Variants in EIF4G2 observed in about 807,000 individuals in gnomAD.
EIF4G2 encodes the protein eukaryotic translation initiation factor 4 gamma 2.
Under a neutral mutation model 117.7 loss-of-function variants are expected in EIF4G2, and 8 were observed. That is an observed-to-expected ratio of 0.07 (90% CI 0.04 to 0.12). EIF4G2 has a LOEUF of 0.12. Ranked by LOEUF, EIF4G2 falls within the 10% of genes least tolerant of loss-of-function variation. The probability of loss-of-function intolerance (pLI) is 1.00; values close to 1 mark genes in which losing one functional copy is unlikely to be tolerated. For synonymous variants in EIF4G2, 413 were observed against 367.8 expected, an observed-to-expected ratio of 1.12 and a Z score of -1.41; for missense variants, 812 against 1,086.2, an observed-to-expected ratio of 0.75 and a Z score of 3.55.
At position 10,806,851 on chromosome 11, in the gene EIF4G2, G is replaced by A. The variant is rs371391559; in HGVS notation, c.76C>T (p.Pro26Ser). The change falls in exon 3 of 22, where the codon CCT becomes TCT. Residue 26 changes from proline to serine, a missense_variant. This residue lies in a region of EIF4G2 where 79 missense variants were observed against 91.5 expected (regional missense o/e 0.86). Transcript: ENST00000339995. Reference sequence around the variant, plus strand: ...CCAGCAGTCTTGGGATAGTGCTGAGGTGCACCCCTACTTCCTCCTCCGCCC... The same window carrying A: ...CCAGCAGTCTTGGGATAGTGCTGAGATGCACCCCTACTTCCTCCTCCGCCC... 6 of 1,613,992 alleles carry A rather than the reference G, an allele frequency of 3.7e-6. No homozygotes were observed. Among genetic ancestry groups the A allele is most frequent in the East Asian group, 2.2e-5 (1 of 44,892 alleles).
At chr11:10,800,686 T>C in intron 16 of EIF4G2, 39 bp from the exon 17 acceptor site, 1 of 1,613,736 alleles carries the variant, frequency 6.2e-7, no homozygotes, top group Non-Finnish European at 8.5e-7. Context: ...ATTCTCTATC[T>C]CAAATACAGG....
In EIF4G2 at chr11:10,806,899, A is replaced by C. The variant is rs1402186898; in HGVS notation, c.42-14T>G. 2 of 1,613,428 alleles carry C rather than the reference A, an allele frequency of 1.2e-6. No individual in the cohort carries two copies. The highest frequency in any genetic ancestry group is 2.2e-5 in the South Asian group (2 of 91,050). On this transcript the variant is annotated splice_polypyrimidine_tract_variant and intron_variant, in intron 2 of 21. Transcript: ENST00000339995. Reference sequence around the variant, plus strand: ...CCCGAAGAAGCACTATTTAAAAGAAAAAAATTGTTTACTGTATCCCAACTA... The same window carrying C: ...CCCGAAGAAGCACTATTTAAAAGAACAAAATTGTTTACTGTATCCCAACTA...
At chr11:10,807,800 C>T in intron 1 of EIF4G2, 1 of 990,456 alleles carries the variant, frequency 1.0e-6, no homozygotes, top group Non-Finnish European at 1.2e-6. Flanking sequence ...AGCAGTTTTC[C>T]CCTGTCCACC....
rs554430274 is a variant in EIF4G2 at position 10,806,236 on chromosome 11, T to C, written c.108-189A>G. 1.6e-5 allele frequency: 12 copies of C among 738,734 alleles called. No homozygotes were observed. The South Asian group carries it at 1.8e-4, about 11-fold the overall frequency. 45.8% of individuals were successfully genotyped at this position (738,734 alleles called of 1,614,324 possible). A position where few individuals can be genotyped will look rare whatever the true frequency, so the allele number is the denominator to read the frequency against. ...CACCTGAAGGGCTTGTTAATACAGA[T>C]TGCTGGGCCCACCCAGTTTCTGCTT... On this transcript the variant is annotated intron_variant, in intron 3 of 21. Transcript: ENST00000339995.
In EIF4G2 at chr11:10,803,293, G is replaced by T; in HGVS notation, c.815C>A (p.Ser272Tyr). The change falls in exon 10 of 22, where the codon TCC becomes TAC. Residue 272 changes from serine (S) to tyrosine (Y), a missense_variant and splice_region_variant. Around this residue, in one of 4 missense-constraint regions of EIF4G2, gnomAD observed 154 missense variants for 322.1 expected, o/e 0.48. Coordinates refer to ENST00000339995, the MANE Select transcript of EIF4G2 (RefSeq NM_001418.4). This position sits in a 1 kb window ranked among gnomAD's most constrained non-coding sequence, Gnocchi z 4.0. The stretch of plus-strand genomic sequence containing the variant: ...TCGGGCAAAGTACTGATCCATTAAG[G>T]ACTGATAAGAGAAGAATACATTCAT... The T allele has an allele frequency of 6.2e-7, 1 of 1,613,104 alleles. No homozygotes were observed. The highest frequency in any genetic ancestry group is 1.1e-5 in the South Asian group (1 of 90,740).
Position 10,806,283 on chromosome 11 carries a change from T to C in EIF4G2, c.108-236A>G. On this transcript the variant is annotated intron_variant, in intron 3 of 21. Transcript: ENST00000339995. ...GCTTTCACTGGTTTGGGGTGGGGCCTAAGAATTTGCATGTCTAGTAAATAT... is the reference window on the plus strand; with the variant it reads ...GCTTTCACTGGTTTGGGGTGGGGCCCAAGAATTTGCATGTCTAGTAAATAT... The C allele has an allele frequency of 1.4e-5, 8 of 562,376 alleles. 1 individual carries two copies. In the South Asian group the frequency reaches 1.8e-4, roughly 13 times the overall value. The allele number at this position is 562,376 out of a possible 1,614,324, so 34.8% of individuals were successfully genotyped here.
chr11:10,808,660 C>A, intron 1 of EIF4G2, 45 bp downstream of exon 1: 1 of 309,668 alleles, frequency 3.2e-6, no homozygotes, highest in Non-Finnish European at 5.4e-6. Flanking sequence ...GGGACGGCGG[C>A]CATTTTAGAG....
chr11:10,807,241 A>G lies in EIF4G2; in HGVS notation c.41+14T>C. The G allele has an allele frequency of 6.2e-7, 1 of 1,604,232 alleles. No homozygotes were observed. The highest frequency in any genetic ancestry group is 8.5e-7 in the Non-Finnish European group (1 of 1,177,052). On this transcript the variant is annotated intron_variant, in intron 2 of 21. Transcript: ENST00000339995. Reference sequence around the variant, plus strand: ...CCTTTTCAAAAGGATTCCCCAAAATAAATCTACAAGTACCTGAAACGAGAA... The same window carrying G: ...CCTTTTCAAAAGGATTCCCCAAAATGAATCTACAAGTACCTGAAACGAGAA...
intron 21 of EIF4G2, 158 bp downstream of exon 21, chr11:10,798,834 A>T: frequency 2.2e-6 from 2 of 898,502 alleles, no homozygotes; most frequent in Non-Finnish European, 3.4e-6. Context: ...AGCTTTACTT[A>T]ATAATAGCTT....
chr11:10,800,557 G>T lies in EIF4G2; in HGVS notation c.1735C>A (p.Pro579Thr), dbSNP rs1847388042. 2 of 1,613,976 alleles carry T rather than the reference G, an allele frequency of 1.2e-6. No homozygotes were observed. Among genetic ancestry groups the T allele is most frequent in the Admixed American group, 1.7e-5 (1 of 59,988 alleles). ...ATGATTACTTTGCTTAACATCTCAGGAAGAAAGTGTTTAGGAGCCCTCATT... is the reference window on the plus strand; with the variant it reads ...ATGATTACTTTGCTTAACATCTCAGTAAGAAAGTGTTTAGGAGCCCTCATT... Residue 579 changes from proline to threonine, a missense_variant, in exon 17 of 22, where the codon CCT becomes ACT. Physicochemically the swap from Pro to Thr is conservative, Grantham distance 38. Transcript: ENST00000339995.
At chr11:10,799,874 G>A (rs540132329) in intron 18 of EIF4G2, 118 bp from the exon 19 acceptor site, 2 of 1,289,796 alleles carry the variant, frequency 1.6e-6, no homozygotes, top group Non-Finnish European at 2.1e-6. Flanking sequence ...TAGCAGAATA[G>A]AGAACCAACC....
At chr11:10,808,553 C>A (rs548476763) in intron 1 of EIF4G2, 152 bp downstream of exon 1, 636 of 1,118,044 alleles carry the variant, frequency 5.7e-4, no homozygotes, top group Admixed American at 7.0e-4. Context: ...CCAAGACTTT[C>A]CAGGTATCTG....
chr11:10,801,149 C>T (rs924445891), intron 14 of EIF4G2, 62 bp from the exon 15 acceptor site: 4 of 1,598,866 alleles, frequency 2.5e-6, no homozygotes, highest in Non-Finnish European at 3.4e-6. Flanking sequence ...ATATTAAATA[C>T]AACATTCTAA....
At chr11:10,800,407 C>T (rs531959563) in intron 17 of EIF4G2, 25 bp downstream of exon 17, 17 of 1,613,454 alleles carry the variant, frequency 1.1e-5, no homozygotes, top group Non-Finnish European at 1.4e-5. Context: ...AGAGTTCTTA[C>T]CACACAATCA....
At position 10,803,224 on chromosome 11, in the gene EIF4G2, C is replaced by T. The variant is rs1231649061; in HGVS notation, c.884G>A (p.Arg295His). The change falls in exon 10 of 22, where the codon CGT becomes CAT. Residue 295 changes from arginine (R) to histidine (H), a missense_variant. Transcript: ENST00000339995. The surrounding 1 kb of genome is among the most constrained non-coding windows in gnomAD (Gnocchi z 4.0). ...AACCAGTATTACCTGCAGCAGGAAA[C>T]GAATCCTTGCTGGCAATTCCTTACT... is the stretch of plus-strand genomic sequence containing the variant. 2 of 1,613,844 alleles carry T rather than the reference C, an allele frequency of 1.2e-6. No homozygotes were observed. The highest frequency in any genetic ancestry group is 1.7e-6 in the Non-Finnish European group (2 of 1,179,966).
At position 10,798,504 on chromosome 11, in the gene EIF4G2, C is replaced by T. The variant is rs141354730; in HGVS notation, c.2658+488G>A. On this transcript the variant is annotated intron_variant, in intron 21 of 21. Transcript: ENST00000339995. ...GCCTCCTGGGCTCAAGACATCCTCC[C>T]GAGTAGCTGGGACCAGGACCACAGA... Among the ~76,000 whole-genome samples the T allele has an allele frequency of 9.3e-3, 1,415 of 152,244 alleles. 8 individuals are homozygous for T. The highest frequency in any genetic ancestry group is 0.034 in the Middle Eastern group (10 of 294).
chr11:10,801,523 AAAG>A (rs758488829), intron 14 of EIF4G2, 135 bp downstream of exon 14: 33 of 864,708 alleles, frequency 3.8e-5, no homozygotes, highest in African/African-American at 6.6e-5. Context: ...AAAGAAAGAA[AAAG>A]AAGTATAGAA....
chr11:10,797,168 ATTCTCACCATTTGT>A lies in EIF4G2; in HGVS notation c.*634_*647del, dbSNP rs1847285584. 6.6e-6 allele frequency: 1 copy of A among 152,664 alleles called. No homozygotes were observed. The highest frequency in any genetic ancestry group is 2.4e-5 in the African/African-American group (1 of 41,436). The allele number at this position is 152,664 out of a possible 1,614,324, so 9.5% of individuals were successfully genotyped here. On this transcript the variant is annotated 3_prime_UTR_variant, in exon 22 of 22. Transcript: ENST00000339995. This position sits in a 1 kb window ranked among gnomAD's most constrained non-coding sequence, Gnocchi z 4.5. ...ACTATAATAGGAGGGACCAATTCAA[ATTCTCACCATTTGT>A]TTCACACCCACAAAAACCACTTCAA... is the stretch of plus-strand genomic sequence containing the variant.
intron 3 of EIF4G2, chr11:10,806,465 G>A (rs779364020): frequency 2.5e-5 from 8 of 324,686 alleles, no homozygotes; most frequent in Non-Finnish European, 4.6e-5. Flanking sequence ...ACAGGTGTGA[G>A]CCACTGTACC....
Sources: allele counts gnomAD v4.1 joint callset (sites outside exome capture counted in the v4.1 genomes callset), GRCh38; gene constraint gnomAD v4.1.1; regional missense constraint gnomAD v4.1.1; non-coding constraint Gnocchi (gnomAD v3.1); transcripts MANE v1.5; gene names NCBI Gene and HGNC (gene_info 2026-07-23, HGNC 2026-07-21).